Variants in NELL2 observed in about 807,000 individuals in gnomAD.
NELL2 encodes the protein protein kinase C-binding protein NELL2.
NELL2 carries 41 observed loss-of-function variants against 109.6 expected under a neutral mutation model. The ratio of observed to expected loss-of-function variants is 0.37; its 90% confidence interval spans 0.29 to 0.49. The LOEUF (loss-of-function observed/expected upper bound fraction) is 0.49, where lower values mean the gene tolerates loss of function less well. NELL2 is among the 20% of genes least tolerant of loss of function. NELL2 has a pLI of 0.98. For synonymous variants in NELL2, 355 were observed against 344.7 expected (o/e 1.03, Z -0.33); for missense variants, 900 against 1,008.3 (o/e 0.89, Z 1.45).
chr12:44,522,857 T>C (rs1941601835), intron 17 of NELL2: 1 of 158,250 alleles, frequency 6.3e-6, no homozygotes, highest in Admixed American at 6.2e-5. Context: ...GCATGGTTAG[T>C]AATAAAATTT....
At chr12:44,555,831 C>A (rs1943230280) in intron 15 of NELL2, among the ~76,000 whole-genome samples, 1 of 152,178 alleles carries the variant, frequency 6.6e-6, no homozygotes, top group Non-Finnish European at 1.5e-5. Context: ...TAATATTTAT[C>A]TTTCATTCCC....
At chr12:44,818,182 A>T (rs1401916667) in intron 2 of NELL2, among the ~76,000 whole-genome samples, 1 of 152,140 alleles carries the variant, frequency 6.6e-6, no homozygotes, top group Admixed American at 6.5e-5. Context: ...TAGCTCCAAA[A>T]TTTTTTGTTT....
intron 19 of NELL2, among the ~76,000 whole-genome samples, chr12:44,512,940 TG>T (rs1941066546): frequency 6.6e-6 from 1 of 152,006 alleles, no homozygotes; most frequent in African/African-American, 2.4e-5. Context: ...TTATTGTATA[TG>T]TTCAGAAATC....
intron 15 of NELL2, among the ~76,000 whole-genome samples, chr12:44,580,576 G>A (rs1410528701): frequency 6.6e-6 from 1 of 152,102 alleles, no homozygotes; most frequent in Non-Finnish European, 1.5e-5. Context: ...AAATTAGTGT[G>A]GTGGTGGGCA....
In NELL2 at chr12:44,523,272, G is replaced by A. The variant is rs778717407; in HGVS notation, c.1998+19C>T. 6.2e-7 allele frequency: 1 copy of A among 1,613,260 alleles called. No homozygotes were observed. Among genetic ancestry groups the A allele is most frequent in the Non-Finnish European group, 8.5e-7 (1 of 1,179,450 alleles). ...TTACAACTGAATAAAATTAATTAAAGTTTTTCATTTATACCAACCTGACAT... is the reference window on the plus strand; with the variant it reads ...TTACAACTGAATAAAATTAATTAAAATTTTTCATTTATACCAACCTGACAT... On this transcript the variant is annotated intron_variant, in intron 17 of 19. Transcript: ENST00000429094.
At chr12:44,692,690 T>A (rs1948937791) in intron 12 of NELL2, among the ~76,000 whole-genome samples, 1 of 152,140 alleles carries the variant, frequency 6.6e-6, no homozygotes, top group Admixed American at 6.6e-5. Context: ...TTGGAATAAG[T>A]TGATTCCAGC....
chr12:44,811,897 C>G (rs144705617), intron 3 of NELL2, among the ~76,000 whole-genome samples: 233 of 152,176 alleles, frequency 1.5e-3, no homozygotes, highest in African/African-American at 5.5e-3. Flanking sequence ...CTTGCTCTTG[C>G]TCAAGATCTT....
chr12:44,588,747 A>G (rs533850139), intron 15 of NELL2, among the ~76,000 whole-genome samples: 1 of 152,314 alleles, frequency 6.6e-6, no homozygotes, highest in African/African-American at 2.4e-5. Context: ...TAAGTGTACA[A>G]TTCAGTGGCA....
chr12:44,861,129 A>G (rs1374738181), intron 2 of NELL2, among the ~76,000 whole-genome samples: 1 of 152,224 alleles, frequency 6.6e-6, no homozygotes, highest in Non-Finnish European at 1.5e-5. Context: ...CAGAACTAAG[A>G]AAAGGCATAC....
chr12:44,839,167 A>C lies in NELL2; in HGVS notation c.185-23031T>G, dbSNP rs545813455. ...ATCATTCCTGTATACTATCTGTGAA[A>C]GACTGTTATGTGCCATTGTACTAAT... On this transcript the variant is annotated intron_variant, in intron 2 of 19. Transcript: ENST00000429094. 6.3e-4 allele frequency among the ~76,000 whole-genome samples: 96 copies of C among 152,338 alleles called. 1 individual carries two copies. The highest frequency in any genetic ancestry group is 2.1e-3 in the African/African-American group (86 of 41,572).
chr12:44,510,755 G>C (rs1194563592), intron 19 of NELL2, among the ~76,000 whole-genome samples: 1 of 152,286 alleles, frequency 6.6e-6, no homozygotes, highest in South Asian at 2.1e-4. Flanking sequence ...CCTAGAGACA[G>C]AACTGTTCGA....
chr12:44,918,503 T>TCATG (rs954478479), upstream of NELL2, among the ~76,000 whole-genome samples: 2 of 148,306 alleles, frequency 1.3e-5, no homozygotes, highest in Middle Eastern at 3.4e-3. Flanking sequence ...ATTTATATGT[T>TCATG]CATGCATGCA....
At chr12:44,599,730 G>A (rs1388308161) in intron 15 of NELL2, among the ~76,000 whole-genome samples, 1 of 152,104 alleles carries the variant, frequency 6.6e-6, no homozygotes, top group Non-Finnish European at 1.5e-5. Context: ...GTCTAAAGGA[G>A]TCCCTAGCAA....
chr12:44,806,089 A>G (rs946322756), intron 3 of NELL2, among the ~76,000 whole-genome samples: 2 of 149,450 alleles, frequency 1.3e-5, no homozygotes, highest in African/African-American at 2.4e-5. Flanking sequence ...ACTAGACTGC[A>G]CATCATTTAA....
intron 15 of NELL2, among the ~76,000 whole-genome samples, chr12:44,574,384 A>T: frequency 6.6e-6 from 1 of 152,224 alleles, no homozygotes; most frequent in East Asian, 1.9e-4. Context: ...AATGAACAAA[A>T]ATCTGGTGGG....
intron 15 of NELL2, among the ~76,000 whole-genome samples, chr12:44,604,476 C>T (rs2136242872): frequency 6.6e-6 from 1 of 152,290 alleles, no homozygotes; most frequent in South Asian, 2.1e-4. Context: ...CAAATATGGA[C>T]ACAGCCACAC....
At chr12:44,697,798 T>C (rs1311578936) in intron 12 of NELL2, among the ~76,000 whole-genome samples, 1 of 152,212 alleles carries the variant, frequency 6.6e-6, no homozygotes, top group Non-Finnish European at 1.5e-5. Context: ...CAGATTGTAT[T>C]AGTTTTCTAG....
chr12:44,577,242 C>T (rs1944127948), intron 15 of NELL2, among the ~76,000 whole-genome samples: 1 of 103,220 alleles, frequency 9.7e-6, no homozygotes, highest in Non-Finnish European at 1.9e-5. Flanking sequence ...GCCATTCTAA[C>T]TGGTGTGAGA....
chr12:44,759,718 T>C (rs995467817), intron 9 of NELL2, among the ~76,000 whole-genome samples: 3 of 152,224 alleles, frequency 2.0e-5, no homozygotes, highest in African/African-American at 4.8e-5. Context: ...CCATTGACCA[T>C]GTAGATCCTC....
Sources: gnomAD v4.1 joint callset for allele counts (sites outside exome capture counted in the v4.1 genomes callset) on GRCh38, gnomAD v4.1.1 for gene constraint, MANE v1.5 for transcripts, NCBI Gene and HGNC (gene_info 2026-07-23, HGNC 2026-07-21) for gene names.